The following CYP2C19 variants were observed in gnomAD, a reference collection of about 807,000 sequenced individuals.
CYP2C19 encodes cytochrome P450 family 2 subfamily C member 19, also known as cytochrome P450 2C19.
CYP2C19 carries 59 observed loss-of-function variants against 40.9 expected under a neutral mutation model. The observed-to-expected ratio is 1.44, with a 90% CI of 1.17 to 1.79. CYP2C19 has a LOEUF of 1.79. Ranked by LOEUF, CYP2C19 falls within the 40% of genes most tolerant of loss-of-function variation. The pLI, the probability that CYP2C19 is intolerant of heterozygous loss-of-function variation, is 0.00. For missense variants in CYP2C19, 754 were observed against 596.9 expected, an observed-to-expected ratio of 1.26 and a Z score of -2.74; for synonymous variants, 253 against 208.7, an observed-to-expected ratio of 1.21 and a Z score of -1.83.
At chr10:94,802,225 C>A (rs1368246939) in intron 5 of CYP2C19, among the ~76,000 whole-genome samples, 1 of 152,132 alleles carries the variant, frequency 6.6e-6, no homozygotes, top group Non-Finnish European at 1.5e-5. Flanking sequence ...GTGTTTTTTA[C>A]AGAGCGCTGA....
At chr10:94,814,222 C>T (rs1848968302) in intron 5 of CYP2C19, among the ~76,000 whole-genome samples, 1 of 151,810 alleles carries the variant, frequency 6.6e-6, no homozygotes, top group African/African-American at 2.4e-5. Context: ...TGGAGCTTTT[C>T]TTATTCAGTC....
intron 6 of CYP2C19, among the ~76,000 whole-genome samples, chr10:94,821,302 G>T (rs1849117970): frequency 6.6e-6 from 1 of 152,130 alleles, no homozygotes; most frequent in Admixed American, 6.5e-5. Context: ...AGGCCATTTT[G>T]AACAGCAAGT....
rs138613753 is a variant in CYP2C19 at position 94,789,304 on chromosome 10, C to G, written c.819+7307C>G. On this transcript the variant is annotated intron_variant, in intron 5 of 8. Coordinates refer to ENST00000371321, the MANE Select transcript of CYP2C19 (RefSeq NM_000769.4). The stretch of plus-strand genomic sequence containing the variant: ...TCCCATTCTCTAGGTGGCCTGTTCA[C>G]TCTGACGATAGTTTCTTTTGCTCTG... Among the ~76,000 whole-genome samples the G allele has an allele frequency of 3.1e-3, 476 of 152,074 alleles. 4 individuals are homozygous for G. The highest frequency in any genetic ancestry group is 0.011 in the African/African-American group (453 of 41,520).
chr10:94,813,257 A>G (rs886500785), intron 5 of CYP2C19, among the ~76,000 whole-genome samples: 1 of 152,058 alleles, frequency 6.6e-6, no homozygotes, highest in Admixed American at 6.6e-5. Context: ...TCCTAGAGGG[A>G]CACTTGCCAG....
At chr10:94,795,552 A>C (rs768323205) in intron 5 of CYP2C19, among the ~76,000 whole-genome samples, 2 of 150,720 alleles carry the variant, frequency 1.3e-5, no homozygotes, top group Non-Finnish European at 2.9e-5. Flanking sequence ...TGGTATTTCC[A>C]GTTCTATATC....
chr10:94,845,691 C>A (rs1849563409), intron 7 of CYP2C19, among the ~76,000 whole-genome samples: 1 of 152,052 alleles, frequency 6.6e-6, no homozygotes, highest in Admixed American at 6.5e-5. Flanking sequence ...CTATAAATTT[C>A]TATTTATTCA....
chr10:94,821,775 C>A (rs1464026419), intron 6 of CYP2C19, among the ~76,000 whole-genome samples: 1 of 151,826 alleles, frequency 6.6e-6, no homozygotes, highest in Non-Finnish European at 1.5e-5. Flanking sequence ...TAACCTATAA[C>A]GTTCTAGAAG....
rs143742980 is a variant in CYP2C19 at position 94,769,226 on chromosome 10, G to A, written c.169-5832G>A. 2.8e-3 allele frequency among the ~76,000 whole-genome samples: 433 copies of A among 152,226 alleles called. 2 individuals carry two copies. The highest frequency in any genetic ancestry group is 9.9e-3 in the African/African-American group (412 of 41,558). Reference sequence around the variant, plus strand: ...GATCTAGAGTACCCTGCTGGCATGAGGCTTCCGAACTGATAGCTAAAAGTA... The same window carrying A: ...GATCTAGAGTACCCTGCTGGCATGAAGCTTCCGAACTGATAGCTAAAAGTA... On this transcript the variant is annotated intron_variant, in intron 1 of 8. Transcript: ENST00000371321.
Position 94,813,633 on chromosome 10 carries a change from C to T in CYP2C19, c.820-6863C>T, listed in dbSNP as rs536750876. ...CAACAATGGCAGACTCCCCTCAACA[C>T]CCCCCCCAAGCTCGAACATCCCCAG... is the stretch of plus-strand genomic sequence containing the variant. On this transcript the variant is annotated intron_variant, in intron 5 of 8. Coordinates refer to ENST00000371321, the MANE Select transcript of CYP2C19 (RefSeq NM_000769.4). Among the ~76,000 whole-genome samples, 6 of 149,738 alleles carry T rather than the reference C, an allele frequency of 4.0e-5. No individual in the cohort carries two copies. In the East Asian group the frequency reaches 7.8e-4, roughly 20 times the overall value.
chr10:94,807,332 G>A (rs946793355), intron 5 of CYP2C19, among the ~76,000 whole-genome samples: 8 of 151,988 alleles, frequency 5.3e-5, no homozygotes, highest in African/African-American at 1.9e-4. Flanking sequence ...CTTGGCTATG[G>A]TGAATAGTGC....
intron 6 of CYP2C19, among the ~76,000 whole-genome samples, chr10:94,840,813 G>T (rs1478301073): frequency 6.6e-6 from 1 of 152,190 alleles, no homozygotes; most frequent in Admixed American, 6.5e-5. Context: ...CCCAATAGAA[G>T]GGTTGGTTGT....
At chr10:94,780,276 T>A (rs1160967946) in intron 3 of CYP2C19, among the ~76,000 whole-genome samples, 4 of 152,162 alleles carry the variant, frequency 2.6e-5, no homozygotes, top group African/African-American at 9.6e-5. Flanking sequence ...AAATTTAGCA[T>A]TTGAGCAACC....
chr10:94,849,417 A>T (rs1192446516), intron 7 of CYP2C19, among the ~76,000 whole-genome samples: 1 of 145,254 alleles, frequency 6.9e-6, no homozygotes, highest in East Asian at 2.1e-4. Context: ...GCTGGTCAGA[A>T]GAGTACAAAG....
intron 5 of CYP2C19, among the ~76,000 whole-genome samples, chr10:94,818,873 C>G (rs529947990): frequency 3.9e-5 from 6 of 152,040 alleles, no homozygotes; most frequent in South Asian, 2.1e-4. Context: ...CTAATTGAAT[C>G]CCCTTTATTT....
chr10:94,771,530 A>T (rs1848330911), intron 1 of CYP2C19, among the ~76,000 whole-genome samples: 1 of 152,098 alleles, frequency 6.6e-6, no homozygotes, highest in African/African-American at 2.4e-5. Flanking sequence ...TCAGAGAGAG[A>T]ATAGTGGGGC....
intron 6 of CYP2C19, among the ~76,000 whole-genome samples, chr10:94,841,007 G>A (rs1377820010): frequency 1.3e-5 from 2 of 152,188 alleles, no homozygotes; most frequent in Admixed American, 1.3e-4. Flanking sequence ...TCACCAAAAT[G>A]TTACCAAGGG....
chr10:94,774,978 G>T (rs558396143), intron 1 of CYP2C19, 80 bp from the exon 2 acceptor site: 1 of 1,447,286 alleles, frequency 6.9e-7, no homozygotes, highest in East Asian at 2.3e-5. Context: ...CAAATACAAT[G>T]AAAATATGAA....
chr10:94,778,948 T>G (rs1399780256), intron 3 of CYP2C19, among the ~76,000 whole-genome samples: 2 of 152,078 alleles, frequency 1.3e-5, no homozygotes, highest in Non-Finnish European at 2.9e-5. Flanking sequence ...AAAGAATGAG[T>G]TCATGTCCTT....
chr10:94,790,643 A>C (rs1351587668), intron 5 of CYP2C19, among the ~76,000 whole-genome samples: 5 of 152,130 alleles, frequency 3.3e-5, no homozygotes, highest in African/African-American at 7.2e-5. Flanking sequence ...ATGATGGATT[A>C]CGTTTATTGA....
Sources: gnomAD v4.1 joint callset for allele counts (sites outside exome capture counted in the v4.1 genomes callset) on GRCh38, gnomAD v4.1.1 for gene constraint, MANE v1.5 for transcripts, NCBI Gene and HGNC (gene_info 2026-07-23, HGNC 2026-07-21) for gene names.